GP6: variants seen among roughly 807,000 people sequenced by gnomAD.
GP6 encodes the protein platelet glycoprotein VI.
In GP6, 45 loss-of-function variants were observed where a neutral mutation model predicts 37.3. The ratio of observed to expected loss-of-function variants is 1.21; its 90% confidence interval spans 0.95 to 1.55. GP6 has a LOEUF of 1.55. GP6 is among the 40% of genes most tolerant of loss of function. The pLI is 0.00. For synonymous variants in GP6, 340 were observed against 316.4 expected, an observed-to-expected ratio of 1.07 and a Z score of -0.79; for missense variants, 813 against 760.2, an observed-to-expected ratio of 1.07 and a Z score of -0.82.
intron 3 of GP6, among the ~76,000 whole-genome samples, chr19:55,030,623 G>A (rs541641246): frequency 9.1e-4 from 138 of 151,856 alleles, no homozygotes; most frequent in African/African-American, 3.2e-3. Flanking sequence ...GATTACAGGC[G>A]TGAGCCGCCG....
At chr19:55,034,283 A>T (rs554253660) in intron 1 of GP6, among the ~76,000 whole-genome samples, 16 of 152,078 alleles carry the variant, frequency 1.1e-4, no homozygotes, top group African/African-American at 2.9e-4. Context: ...CTGGCCGGGC[A>T]CGGTGGCTCA....
At chr19:55,034,716 T>TACACAC (rs796869786) in intron 1 of GP6, among the ~76,000 whole-genome samples, 19,610 of 147,990 alleles carry the variant, frequency 0.13, 1,340 homozygotes, top group East Asian at 0.19. Flanking sequence ...CCCTCATTCT[T>TACACAC]ACACACACAC....
At chr19:55,035,761 C>T (rs1308025502) in intron 1 of GP6, among the ~76,000 whole-genome samples, 2 of 151,992 alleles carry the variant, frequency 1.3e-5, no homozygotes, top group Admixed American at 1.3e-4. Context: ...GAATACTACT[C>T]AGCCATTAAA....
chr19:55,015,006 A>C lies in GP6; in HGVS notation c.939T>G (p.Pro313=). 1 of 1,480,080 alleles carries C rather than the reference A, an allele frequency of 6.8e-7. No individual in the cohort carries two copies. Among genetic ancestry groups the C allele is most frequent in the Non-Finnish European group, 9.3e-7 (1 of 1,078,148 alleles). The allele number at this position is 1,480,080 out of a possible 1,614,324, so 91.7% of individuals were successfully genotyped here. A position where few individuals can be genotyped will look rare whatever the true frequency, so the allele number is the denominator to read the frequency against. ...TTTCCGGGTCAGCGGGAGGGGCGGG[A>C]GGGGCGGAAGCGGCCTCTGCACAGC... is the stretch of plus-strand genomic sequence containing the variant. The change falls in exon 8 of 8, where the codon CCT becomes CCG. Residue 313 remains proline (P), a synonymous_variant. Coordinates refer to ENST00000310373, the MANE Select transcript of GP6 (RefSeq NM_001083899.2).
intron 4 of GP6, among the ~76,000 whole-genome samples, chr19:55,026,446 G>GTGAC (rs58708445): frequency 0.76 from 114,982 of 151,636 alleles, 44,377 homozygotes; most frequent in Middle Eastern, 0.84. Flanking sequence ...TTGTCCTTTT[G>GTGAC]TGACTGACTT....
At chr19:55,031,375 G>A (rs1226557587) in intron 3 of GP6, among the ~76,000 whole-genome samples, 6 of 152,192 alleles carry the variant, frequency 3.9e-5, no homozygotes, top group African/African-American at 1.4e-4. Context: ...GCTCCAGGCT[G>A]CAGTGAGCTA....
chr19:55,017,525 G>GAGT (rs1568596319), intron 6 of GP6, among the ~76,000 whole-genome samples: 4 of 152,120 alleles, frequency 2.6e-5, no homozygotes, highest in African/African-American at 7.2e-5. Context: ...ATGGGGAAAT[G>GAGT]GAAGAAAAGG....
At chr19:55,019,160 C>T (rs2073985713) in intron 5 of GP6, among the ~76,000 whole-genome samples, 1 of 143,890 alleles carries the variant, frequency 6.9e-6, no homozygotes, top group Non-Finnish European at 1.5e-5. Flanking sequence ...GGCTGGAGTG[C>T]AGTGGCGCGA....
chr19:55,031,752 C>G (rs1366270314), intron 3 of GP6, among the ~76,000 whole-genome samples: 2 of 152,112 alleles, frequency 1.3e-5, no homozygotes, highest in Non-Finnish European at 2.9e-5. Flanking sequence ...GACCCTATCT[C>G]TCTCTCTTTT....
At chr19:55,015,316 G>T in intron 7 of GP6, 151 bp from the exon 8 acceptor site, 1 of 1,280,730 alleles carries the variant, frequency 7.8e-7, no homozygotes, top group Non-Finnish European at 1.1e-6. Flanking sequence ...TTCCCGAGTA[G>T]GGGTCAGGGC....
intron 5 of GP6, among the ~76,000 whole-genome samples, chr19:55,023,008 A>G (rs1042551033): frequency 5.9e-5 from 9 of 152,174 alleles, no homozygotes; most frequent in Admixed American, 2.0e-4. Context: ...AGAAAAAACT[A>G]TAAAATTCAT....
chr19:55,032,461 G>A (rs773333506), intron 2 of GP6, 45 bp downstream of exon 2: 12 of 1,613,324 alleles, frequency 7.4e-6, no homozygotes, highest in South Asian at 3.3e-5. Context: ...CTGCTCCCGC[G>A]CTGGCGGATC....
intron 3 of GP6, 107 bp from the exon 4 acceptor site, chr19:55,027,969 C>A: frequency 1.8e-6 from 2 of 1,138,078 alleles, no homozygotes; most frequent in Admixed American, 3.4e-5. Context: ...TTGGCTGTAT[C>A]CCTCCCAGAG....
chr19:55,036,231 A>G (rs139057066), intron 1 of GP6, among the ~76,000 whole-genome samples: 205 of 152,220 alleles, frequency 1.3e-3, no homozygotes, highest in African/African-American at 4.8e-3. Flanking sequence ...GAGTGATGTA[A>G]TGGACTTCAG....
At chr19:55,024,280 A>ACACACATGCACGGATG (rs1555798746) in intron 5 of GP6, among the ~76,000 whole-genome samples, 1 of 30,318 alleles carries the variant, frequency 3.3e-5, no homozygotes, top group Non-Finnish European at 9.6e-5. Context: ...ACGCATGCAC[A>ACACACATGCACGGATG]CACACACATA....
Position 55,032,389 on chromosome 19 carries a change from G to A in GP6, c.75C>T (p.Leu25=), listed in dbSNP as rs925006141. 1 of 1,612,882 alleles carries A rather than the reference G, an allele frequency of 6.2e-7. No homozygotes were observed. Among genetic ancestry groups the A allele is most frequent in the African/African-American group, 1.3e-5 (1 of 74,930 alleles). ...GCAGAGCCTGGAGGGAGGGCTTGGG[G>A]AGCGGTCCTGGAAGAGGAGCAGGGC... The change falls in exon 3 of 8, where the codon CTC becomes CTT. Residue 25 remains leucine (L), a synonymous_variant. Coordinates refer to ENST00000310373, the MANE Select transcript of GP6 (RefSeq NM_001083899.2).
At chr19:55,021,113 C>T (rs1432577021) in intron 5 of GP6, among the ~76,000 whole-genome samples, 2 of 144,582 alleles carry the variant, frequency 1.4e-5, no homozygotes, top group East Asian at 2.1e-4. Context: ...AATCCCAGCA[C>T]TTTGGGAGGC....
In GP6 at chr19:55,025,247, A is replaced by G. The variant is rs1480812965; in HGVS notation, c.635T>C (p.Leu212Ser). 2 of 1,548,728 alleles carry G rather than the reference A, an allele frequency of 1.3e-6. No individual in the cohort carries two copies. Among genetic ancestry groups the G allele is most frequent in the Non-Finnish European group, 1.7e-6 (2 of 1,144,232 alleles). Residue 212 changes from leucine (L) to serine (S), a missense_variant, in exon 5 of 8, where the codon TTA (leucine) becomes TCA (serine). Leu to Ser is a moderately radical substitution (Grantham distance 145). Coordinates refer to ENST00000310373, the MANE Select transcript of GP6 (RefSeq NM_001083899.2). ...TACCGGGGAAGGTGGTTCTGTTGGT[A>G]ACCGGCTGGGGGTCACAGAGGTTCC...
intron 3 of GP6, among the ~76,000 whole-genome samples, chr19:55,029,370 ATATATTTTTTTTTTTTTTTTTTTT>A (rs2074469778): frequency 4.0e-4 from 1 of 2,484 alleles, no homozygotes; most frequent in African/African-American, 1.6e-3. Flanking sequence ...ATATATATAT[ATATATTTTTTTTTTTTTTTTTTTT>A]TTTTTTTTTT....
Sources: gnomAD v4.1 joint callset for allele counts (sites outside exome capture counted in the v4.1 genomes callset) on GRCh38, gnomAD v4.1.1 for gene constraint, MANE v1.5 for transcripts, NCBI Gene and HGNC (gene_info 2026-07-23, HGNC 2026-07-21) for gene names.